PDE1A: variants seen among roughly 807,000 people sequenced by gnomAD.
PDE1A encodes the protein dual specificity calcium/calmodulin-dependent 3',5'-cyclic nucleotide phosphodiesterase 1A.
PDE1A carries 35 observed loss-of-function variants against 61.7 expected under a neutral mutation model. The observed-to-expected ratio is 0.57, with a 90% confidence interval of 0.43 to 0.75. The LOEUF (loss-of-function observed/expected upper bound fraction) is 0.75. PDE1A is among the 30% of genes least tolerant of loss of function. The pLI, the probability that PDE1A is intolerant of heterozygous loss-of-function variation, is 0.00. For synonymous variants in PDE1A, 232 were observed against 213.2 expected (o/e 1.09, Z -0.77); for missense variants, 597 against 630.6 (o/e 0.95, Z 0.57).
the PDE1A span, among the ~76,000 whole-genome samples, chr2:182,568,091 G>A: frequency 9.2e-5 from 14 of 152,054 alleles, 1 homozygote; most frequent in African/African-American, 2.7e-4. Context: ...AAGTCACTGC[G>A]CCCGCGCCCG....
chr2:182,452,061 G>A (rs533298091), intron 2 of PDE1A, among the ~76,000 whole-genome samples: 8 of 151,842 alleles, frequency 5.3e-5, no homozygotes, highest in Non-Finnish European at 1.0e-4. Context: ...AAATCCAGGT[G>A]GCAGAAATAT....
intron 2 of PDE1A, among the ~76,000 whole-genome samples, chr2:182,521,954 G>A (rs575445797): frequency 6.6e-6 from 1 of 152,182 alleles, no homozygotes; most frequent in Admixed American, 6.5e-5. Flanking sequence ...ATTTGTGGCA[G>A]TATCCCGGCA....
At chr2:182,494,615 C>G (rs1208785909) in intron 2 of PDE1A, among the ~76,000 whole-genome samples, 1 of 152,160 alleles carries the variant, frequency 6.6e-6, no homozygotes, top group Non-Finnish European at 1.5e-5. Flanking sequence ...CATTCTGGCT[C>G]CTTTTAGTCA....
intron 2 of PDE1A, among the ~76,000 whole-genome samples, chr2:182,437,768 T>C (rs1684532544): frequency 6.6e-6 from 1 of 151,964 alleles, no homozygotes; most frequent in African/African-American, 2.4e-5. Flanking sequence ...TCTTTCTCTC[T>C]GTTTCTTACA....
At chr2:182,297,412 T>A (rs1694959151) in intron 1 of PDE1A, among the ~76,000 whole-genome samples, 1 of 152,214 alleles carries the variant, frequency 6.6e-6, no homozygotes, top group Non-Finnish European at 1.5e-5. Flanking sequence ...ATCCTTGGGC[T>A]GGCCACAAAG....
chr2:182,561,631 A>G, the PDE1A span, among the ~76,000 whole-genome samples: 2 of 152,180 alleles, frequency 1.3e-5, no homozygotes, highest in Admixed American at 6.5e-5. Context: ...TATTGAATCT[A>G]TAAATTACCT....
chr2:182,514,370 A>C (rs1283967986), intron 2 of PDE1A, among the ~76,000 whole-genome samples: 1 of 152,246 alleles, frequency 6.6e-6, no homozygotes, highest in Non-Finnish European at 1.5e-5. Context: ...ATGAACAGTC[A>C]AAGCAATCCT....
At chr2:182,381,039 T>C (rs1242985409) in intron 1 of PDE1A, among the ~76,000 whole-genome samples, 2 of 152,180 alleles carry the variant, frequency 1.3e-5, no homozygotes, top group Admixed American at 6.5e-5. Context: ...AAAGCAGTGA[T>C]GGACATGGAG....
At chr2:182,696,507 G>A in the PDE1A span, among the ~76,000 whole-genome samples, 1 of 152,186 alleles carries the variant, frequency 6.6e-6, no homozygotes, top group African/African-American at 2.4e-5. Flanking sequence ...TGCGGAGGAT[G>A]TTTAGGACAG....
chr2:182,568,590 C>T, the PDE1A span, among the ~76,000 whole-genome samples: 2 of 151,512 alleles, frequency 1.3e-5, no homozygotes, highest in African/African-American at 4.9e-5. Context: ...GGCATGAACC[C>T]GGGAGGGGAG....
chr2:182,597,136 A>T, the PDE1A span, among the ~76,000 whole-genome samples: 1 of 151,846 alleles, frequency 6.6e-6, no homozygotes, highest in Non-Finnish European at 1.5e-5. Context: ...TGGGCAACAG[A>T]GTGAGACCCC....
chr2:182,595,508 A>T, the PDE1A span, among the ~76,000 whole-genome samples: 2 of 152,246 alleles, frequency 1.3e-5, no homozygotes, highest in African/African-American at 4.8e-5. Flanking sequence ...CAGGAAAATA[A>T]ATAGGTCAAG....
At chr2:182,352,848 A>G (rs1258713092) in intron 1 of PDE1A, among the ~76,000 whole-genome samples, 1 of 152,230 alleles carries the variant, frequency 6.6e-6, no homozygotes, top group Non-Finnish European at 1.5e-5. Context: ...GAGTCATAGA[A>G]ACTATCAGCC....
intron 2 of PDE1A, among the ~76,000 whole-genome samples, chr2:182,462,942 C>T (rs577795467): frequency 2.6e-5 from 4 of 152,090 alleles, no homozygotes; most frequent in African/African-American, 9.6e-5. Context: ...AATAAAATGA[C>T]TACAATTCTA....
At chr2:182,294,513 GC>G (rs1394515724) in intron 1 of PDE1A, among the ~76,000 whole-genome samples, 1 of 152,142 alleles carries the variant, frequency 6.6e-6, no homozygotes, top group Non-Finnish European at 1.5e-5. Flanking sequence ...AGGTAAACGT[GC>G]TACGTAGACA....
chr2:182,212,323 T>C (rs1164298831), intron 7 of PDE1A, among the ~76,000 whole-genome samples: 1 of 150,520 alleles, frequency 6.6e-6, no homozygotes, highest in African/African-American at 2.5e-5. Context: ...AATTAACATA[T>C]GTGTTACTTC....
the PDE1A span, among the ~76,000 whole-genome samples, chr2:182,628,501 C>G: frequency 6.6e-6 from 1 of 151,934 alleles, no homozygotes; most frequent in African/African-American, 2.4e-5. Context: ...AAATATAGAA[C>G]AAAGACTGAA....
chr2:182,357,763 TA>T, intron 1 of PDE1A, among the ~76,000 whole-genome samples: 1 of 152,360 alleles, frequency 6.6e-6, no homozygotes, highest in African/African-American at 2.4e-5. Context: ...AATTCTGTTG[TA>T]TTCTGAATAA....
chr2:182,143,119 A>C (rs1299059209), downstream of PDE1A: 1 of 152,172 alleles, frequency 6.6e-6, no homozygotes, highest in African/African-American at 2.4e-5. Flanking sequence ...CAAAGAGTAC[A>C]AAATTCCAGT....
Sources: gnomAD v4.1 joint callset for allele counts (sites outside exome capture counted in the v4.1 genomes callset) on GRCh38, gnomAD v4.1.1 for gene constraint, MANE v1.5 for transcripts, NCBI Gene and HGNC (gene_info 2026-07-23, HGNC 2026-07-21) for gene names.